Variants in PHGDH observed in about 807,000 individuals in gnomAD.
The protein encoded by PHGDH is D-3-phosphoglycerate dehydrogenase.
A neutral mutation model predicts 52.6 loss-of-function variants in PHGDH; 50 were observed. The observed-to-expected ratio is 0.95, with a 90% CI of 0.76 to 1.20. The LOEUF (loss-of-function observed/expected upper bound fraction) is 1.20. Among genes scored for constraint, PHGDH ranks in the 50% most tolerant of loss-of-function variants. The pLI is 0.00. For missense variants in PHGDH, 630 were observed against 684.6 expected, an observed-to-expected ratio of 0.92 and a Z score of 0.89; for synonymous variants, 271 against 280.5, an observed-to-expected ratio of 0.97 and a Z score of 0.34.
chr1:119,734,404 T>A, intron 5 of PHGDH: 1 of 536,400 alleles, frequency 1.9e-6, no homozygotes, highest in Admixed American at 2.5e-5. Flanking sequence ...CCAGCATCAT[T>A]GTGTGGTCAT....
At chr1:119,724,554 G>T in intron 3 of PHGDH, 1 of 363,154 alleles carries the variant, frequency 2.8e-6, no homozygotes, top group South Asian at 2.1e-5. Context: ...GGGGCCCCCA[G>T]GCTGGCAGCC....
intron 3 of PHGDH, 40 bp downstream of exon 3, chr1:119,723,481 A>G (rs200276660): frequency 1.4e-6 from 2 of 1,463,396 alleles, no homozygotes; most frequent in African/African-American, 2.8e-5. Flanking sequence ...TCTCTCCGAT[A>G]TGCCAATTAT....
chr1:119,740,223 G>A, intron 8 of PHGDH, 163 bp from the exon 9 acceptor site: 1 of 671,532 alleles, frequency 1.5e-6, no homozygotes, highest in Non-Finnish European at 2.7e-6. Context: ...ACAAGTCCTT[G>A]TCCTGTTGTT....
chr1:119,739,237 C>T (rs587632709), intron 8 of PHGDH, among the ~76,000 whole-genome samples: 1 of 152,242 alleles, frequency 6.6e-6, no homozygotes, highest in African/African-American at 2.4e-5. Flanking sequence ...CTCTGCAGGC[C>T]CACACAGAGG....
chr1:119,732,648 C>A (rs1335107302), intron 5 of PHGDH, among the ~76,000 whole-genome samples: 3 of 152,184 alleles, frequency 2.0e-5, no homozygotes, highest in African/African-American at 7.2e-5. Context: ...CAGATTCCTT[C>A]CCTGCAGTCA....
At chr1:119,713,900 AGGCCTC>A (rs1650809461) in intron 1 of PHGDH, among the ~76,000 whole-genome samples, 1 of 152,140 alleles carries the variant, frequency 6.6e-6, no homozygotes, top group Non-Finnish European at 1.5e-5. Flanking sequence ...GAGGAATGGG[AGGCCTC>A]ATCCATAATG....
At chr1:119,730,039 A>C (rs587614052) in intron 5 of PHGDH, 81 of 152,260 alleles carry the variant, frequency 5.3e-4, no homozygotes, top group Admixed American at 4.3e-3. Context: ...CGGAGAGTCT[A>C]AGTGGCCTCT....
At position 119,743,998 on chromosome 1, in the gene PHGDH, G is replaced by A. The variant is rs145788723; in HGVS notation, c.1560G>A (p.Ala520=). 1.1e-4 allele frequency: 183 copies of A among 1,614,040 alleles called. No individual in the cohort carries two copies. The highest frequency in any genetic ancestry group is 1.6e-4 in the Middle Eastern group (1 of 6,084). ...CCTCCTTGCTGCCCAGCCTGGAAGCGTGGAAGCAGCATGTGACTGAAGCCT... is the reference window on the plus strand; with the variant it reads ...CCTCCTTGCTGCCCAGCCTGGAAGCATGGAAGCAGCATGTGACTGAAGCCT... ...GISSLLPSLE[A]WKQHVTEAFQ... The change falls in exon 12 of 12, where the codon GCG becomes GCA. Residue 520 remains alanine (A), a synonymous_variant. Transcript: ENST00000641023.
At chr1:119,723,722 CA>C (rs1404846364) in intron 3 of PHGDH, among the ~76,000 whole-genome samples, 2 of 151,686 alleles carry the variant, frequency 1.3e-5, no homozygotes, top group East Asian at 4.0e-4. Context: ...CCAACTCTTG[CA>C]AATGTTCTCC....
intron 5 of PHGDH, chr1:119,727,752 T>C (rs952481108): frequency 1.3e-5 from 2 of 153,292 alleles, no homozygotes; most frequent in Admixed American, 6.4e-5. Flanking sequence ...GAGAATGGCG[T>C]GAACCCGGGA....
At position 119,742,819 on chromosome 1, in the gene PHGDH, C is replaced by T. The variant is rs779917285; in HGVS notation, c.1222C>T (p.His408Tyr). ...CTTCTCCACACAGGTCACCACCTCC[C>T]ACAGCCCTGCTGCACCAGGGGAGCA... ...KEAGLNVTTS[H>Y]SPAAPGEQGF... is the part of the protein sequence containing the mutation. The change falls in exon 11 of 12, where the codon CAC (histidine) becomes TAC (tyrosine). Residue 408 changes from histidine to tyrosine, a missense_variant. Physicochemically the swap from His to Tyr is moderately conservative, Grantham distance 83. Coordinates refer to ENST00000641023, the MANE Select transcript of PHGDH (RefSeq NM_006623.4). 2.5e-6 allele frequency: 4 copies of T among 1,608,312 alleles called. No individual in the cohort carries two copies. The highest frequency in any genetic ancestry group is 1.7e-5 in the Admixed American group (1 of 59,422).
At chr1:119,742,311 T>C in intron 10 of PHGDH, 1 of 356,888 alleles carries the variant, frequency 2.8e-6, no homozygotes, top group Non-Finnish European at 5.3e-6. Context: ...CGGCTTCCCG[T>C]TGGCGCCTTC....
Position 119,741,906 on chromosome 1 carries a change from CT to C in PHGDH, c.1209+10del, listed in dbSNP as rs761611696. 1.2e-6 allele frequency: 2 copies of C among 1,611,624 alleles called. No homozygotes were observed. Among genetic ancestry groups the C allele is most frequent in the South Asian group, 1.1e-5 (1 of 91,006 alleles). Reference sequence around the variant, plus strand: ...AAGAGGCTGGCCTCAATGTGCGCCCCTCTCCCCCACGCTGCCTCCCCATCCC... The same window carrying C: ...AAGAGGCTGGCCTCAATGTGCGCCCCCTCCCCCACGCTGCCTCCCCATCCC... On this transcript the variant is annotated intron_variant, in intron 10 of 11. Coordinates refer to ENST00000641023, the MANE Select transcript of PHGDH (RefSeq NM_006623.4).
intron 11 of PHGDH, 95 bp from the exon 12 acceptor site, chr1:119,743,791 G>T: frequency 1.0e-6 from 1 of 961,848 alleles, no homozygotes; most frequent in Non-Finnish European, 1.7e-6. Context: ...TTGCACCTTT[G>T]ATCACAAAAG....
chr1:119,725,728 G>C (rs1651378240), intron 3 of PHGDH, among the ~76,000 whole-genome samples: 1 of 152,224 alleles, frequency 6.6e-6, no homozygotes, highest in African/African-American at 2.4e-5. Flanking sequence ...AAGCACGGAA[G>C]TAGCAGCTTG....
At chr1:119,735,584 T>G (rs906556864) in intron 7 of PHGDH, 141 bp downstream of exon 7, 1 of 927,146 alleles carries the variant, frequency 1.1e-6, no homozygotes. Flanking sequence ...AAAACTGTGT[T>G]GCCAAAAACA....
chr1:119,742,523 C>G (rs995918734), intron 10 of PHGDH: 2 of 567,686 alleles, frequency 3.5e-6, no homozygotes, highest in African/African-American at 3.8e-5. Flanking sequence ...TCCTCACAGC[C>G]CTGCCTCCCT....
chr1:119,723,628 A>G (rs587688870), intron 3 of PHGDH, among the ~76,000 whole-genome samples, 187 bp downstream of exon 3: 1 of 152,150 alleles, frequency 6.6e-6, no homozygotes, highest in South Asian at 2.1e-4. Context: ...CATTCATTAC[A>G]CAGGTTCCCT....
At position 119,734,666 on chromosome 1, in the gene PHGDH, G is replaced by A. The variant is rs886045206; in HGVS notation, c.543G>A (p.Glu181=). The A allele has an allele frequency of 6.2e-7, 1 of 1,614,142 alleles. No individual in the cohort carries two copies. Among genetic ancestry groups the A allele is most frequent in the Non-Finnish European group, 8.5e-7 (1 of 1,179,990 alleles). ...GGTATGACCCCATCATTTCCCCAGA[G>A]GTCTCGGCCTCCTTTGGTGTTCAGC... is the stretch of plus-strand genomic sequence containing the variant. ...TIGYDPIISP[E]VSASFGVQQL... The change falls in exon 6 of 12, where the codon GAG becomes GAA. Residue 181 remains glutamate (E), a synonymous_variant. Transcript: ENST00000641023.
Sources: allele counts gnomAD v4.1 joint callset (sites outside exome capture counted in the v4.1 genomes callset), GRCh38; gene constraint gnomAD v4.1.1; transcripts MANE v1.5; gene names NCBI Gene and HGNC (gene_info 2026-07-23, HGNC 2026-07-21).